Variants in HDAC6 observed in about 807,000 individuals in gnomAD.
HDAC6 encodes the protein protein deacetylase HDAC6.
HDAC6 carries 5 observed loss-of-function variants against 88.9 expected under a neutral mutation model. The observed-to-expected ratio is 0.06, with a 90% CI of 0.03 to 0.12. HDAC6 has a LOEUF of 0.12. Ranked by LOEUF, HDAC6 falls within the 10% of genes least tolerant of loss-of-function variation. The probability of loss-of-function intolerance (pLI) is 1.00; values close to 1 mark genes in which losing one functional copy is unlikely to be tolerated. For synonymous variants in HDAC6, 378 were observed against 398.0 expected, an observed-to-expected ratio of 0.95 and a Z score of 0.60; for missense variants, 706 against 1,014.4, an observed-to-expected ratio of 0.70 and a Z score of 4.13.
At position 48,802,642 on chromosome X, in the gene HDAC6, C is replaced by T. The variant is rs373100563; in HGVS notation, c.-30-21C>T. On this transcript the variant is annotated intron_variant, in intron 1 of 28. Coordinates refer to ENST00000334136, the MANE Select transcript of HDAC6 (RefSeq NM_006044.4). ...GCACACTAGCCCCCTCACATACCCA[C>T]GCTCCTCCCCCCACCCCCAGAACCG... is the stretch of plus-strand genomic sequence containing the variant. 1.2e-5 allele frequency: 14 copies of T among 1,171,435 alleles called. No individual in the cohort carries two copies. In the African/African-American group the frequency reaches 1.4e-4, roughly 12 times the overall value.
At chrX:48,801,964 G>T (rs781942946), upstream of HDAC6, 26 of 967,183 alleles carry the variant, frequency 2.7e-5, no homozygotes, top group South Asian at 5.2e-4. Flanking sequence ...GCGCGTCGAC[G>T]GCGGAGGCGG....
upstream of HDAC6, chrX:48,801,744 C>T: frequency 1.5e-6 from 1 of 656,818 alleles, no homozygotes; most frequent in Non-Finnish European, 2.1e-6. Context: ...CTTGTGAGCT[C>T]GCGAGAGGTG....
At chrX:48,822,450 G>A (rs2063099352) in intron 23 of HDAC6, among the ~76,000 whole-genome samples, 170 bp from the exon 24 acceptor site, 1 of 111,630 alleles carries the variant, frequency 9.0e-6, no homozygotes, top group African/African-American at 3.3e-5. Context: ...TACACAGTGG[G>A]TGCTGCCTAT....
intron 28 of HDAC6, 69 bp from the exon 29 acceptor site, chrX:48,824,475 G>T (rs1038236090): frequency 1.3e-5 from 14 of 1,067,791 alleles, no homozygotes; most frequent in Non-Finnish European, 1.8e-5. Context: ...TGGAGTGGGG[G>T]CAGCCCTGCA....
At position 48,812,726 on chromosome X, in the gene HDAC6, G is replaced by A. The variant is rs1445823331; in HGVS notation, c.807-1714G>A. On this transcript the variant is annotated intron_variant, in intron 10 of 28. Transcript: ENST00000334136. ...TAGGAGGTTGAGGAAGTAAACCTGT[G>A]CTATCAATCCACCATTTAACTTGAA... Among the ~76,000 whole-genome samples, 4 of 111,989 alleles carry A rather than the reference G, an allele frequency of 3.6e-5. No homozygotes were observed. The Admixed American group carries it at 3.8e-4, about 11-fold the overall frequency.
In HDAC6 at chrX:48,824,239, G is replaced by A; in HGVS notation, c.3524G>A (p.Ser1175Asn). 1 of 1,211,360 alleles carries A rather than the reference G, an allele frequency of 8.3e-7. No homozygotes were observed. The highest frequency in any genetic ancestry group is 1.1e-6 in the Non-Finnish European group (1 of 895,261). Residue 1175 changes from serine (S) to asparagine (N), a missense_variant, in exon 28 of 29, where the codon AGC (serine) becomes AAC (asparagine). By Grantham distance (46) the Ser-to-Asn change is conservative. Around this residue, in one of 9 missense-constraint regions of HDAC6, gnomAD observed 36 missense variants for 35.5 expected, o/e 1.01. Transcript: ENST00000334136. ...HGNSGHPLVL[S>N]YIDLSAWCYY... ...AATTCTGGACACCCGCTGGTCCTCA[G>A]CTACATCGACCTGTCAGCCTGGTGT...
Position 48,802,875 on chromosome X carries a change from G to T in HDAC6, c.98G>T (p.Arg33Leu). The part of the protein sequence containing the change: ...PPQDSSVTSK[R>L]NIKKGAVPRS... ...ACCCTTCTCTCTGATTCACAGAAGC[G>T]AAATATTAAAAAGGGAGCCGTTCCC... The change falls in exon 3 of 29, where the codon CGA becomes CTA. Residue 33 changes from arginine (R) to leucine (L), a missense_variant. Around this residue, in one of 9 missense-constraint regions of HDAC6, gnomAD observed 193 missense variants for 258.2 expected, o/e 0.75. Transcript: ENST00000334136. The T allele has an allele frequency of 8.3e-7, 1 of 1,208,186 alleles. No homozygotes were observed. The highest frequency in any genetic ancestry group is 1.1e-6 in the Non-Finnish European group (1 of 893,593).
chrX:48,822,668 C>T lies in HDAC6; in HGVS notation c.2386C>T (p.Arg796Cys). 1 of 1,208,249 alleles carries T rather than the reference C, an allele frequency of 8.3e-7. No homozygotes were observed. The highest frequency in any genetic ancestry group is 1.1e-6 in the Non-Finnish European group (1 of 893,227). The part of the protein sequence containing the change: ...SISESMAACT[R>C]SLLGDPPPLL... Reference sequence around the variant, plus strand: ...CTCAGAGTCCATGGCTGCCTGCACTCGCTCCCTCCTTGGAGACCCACCACC... The same window carrying T: ...CTCAGAGTCCATGGCTGCCTGCACTTGCTCCCTCCTTGGAGACCCACCACC... Residue 796 changes from arginine to cysteine, a missense_variant, in exon 24 of 29, where the codon CGC (arginine) becomes TGC (cysteine). Transcript: ENST00000334136.
intron 10 of HDAC6, chrX:48,814,208 A>G: frequency 4.9e-6 from 2 of 411,592 alleles, no homozygotes; most frequent in Non-Finnish European, 8.5e-6. Flanking sequence ...ATAAATAAAG[A>G]TAAGAATGAA....
chrX:48,814,609 C>T, intron 11 of HDAC6, 43 bp downstream of exon 11: 1 of 1,207,763 alleles, frequency 8.3e-7, no homozygotes, highest in Non-Finnish European at 1.1e-6. Context: ...AGGCCCAGCC[C>T]CGCCCTTCTG....
At chrX:48,817,528 T>A in intron 20 of HDAC6, 69 bp downstream of exon 20, 1 of 1,005,128 alleles carries the variant, frequency 9.9e-7, no homozygotes, top group Non-Finnish European at 1.4e-6. Context: ...CCCAGCCCAT[T>A]GTTTACTCAT....
intron 2 of HDAC6, 33 bp downstream of exon 2, chrX:48,802,818 G>C: frequency 1.7e-6 from 2 of 1,207,454 alleles, no homozygotes. Context: ...ATGAGGGGGA[G>C]AGGGAGCAAG....
In HDAC6 at chrX:48,818,114, G is replaced by A. The variant is rs1557028277; in HGVS notation, c.1994+5G>A. The A allele has an allele frequency of 8.4e-7, 1 of 1,193,531 alleles. No homozygotes were observed. The highest frequency in any genetic ancestry group is 1.7e-5 in the African/African-American group (1 of 57,783). On this transcript the variant is annotated splice_donor_5th_base_variant and intron_variant, in intron 21 of 28. Transcript: ENST00000334136. ...CATGTTTGAGGATGACCCCAGGTAA[G>A]GGCTGCAGTCAGGGGCCGCAGTGTG...
chrX:48,801,831 G>A (rs1718116093), upstream of HDAC6: 1 of 969,656 alleles, frequency 1.0e-6, no homozygotes, highest in Admixed American at 3.0e-5. Flanking sequence ...CGAGAGACGA[G>A]GCCCAATGGA....
rs781862589 is a variant in HDAC6, at chrX:48,808,180, G to A, written c.737+43G>A. On this transcript the variant is annotated intron_variant, in intron 9 of 28. Coordinates refer to ENST00000334136, the MANE Select transcript of HDAC6 (RefSeq NM_006044.4). ...GATGTGATGGGGGTGGCATGGGGTG[G>A]GGTGTCCTGGTCTGGGCTCTTCCCC... The A allele has an allele frequency of 3.5e-6, 4 of 1,138,788 alleles. No individual in the cohort carries two copies. In the African/African-American group the frequency reaches 5.4e-5, roughly 15 times the overall value. 93.8% of individuals were successfully genotyped at this position (1,138,788 alleles called of 1,213,427 possible). A position where few individuals can be genotyped will look rare whatever the true frequency, so the allele number is the denominator to read the frequency against.
intron 8 of HDAC6, 61 bp downstream of exon 8, chrX:48,806,767 A>T: frequency 3.2e-6 from 2 of 623,563 alleles, no homozygotes; most frequent in Non-Finnish European, 2.5e-6. Flanking sequence ...CAAGTGTAAA[A>T]TGTATTGATA....
At chrX:48,817,811 G>A in intron 20 of HDAC6, 2 of 433,213 alleles carry the variant, frequency 4.6e-6, no homozygotes, top group Non-Finnish European at 8.0e-6. Context: ...CCAAGGCCCA[G>A]GGTCCAGTTC....
rs200639202 is a variant in HDAC6, at chrX:48,822,996, G to A, written c.2597G>A (p.Arg866Gln). The change falls in exon 25 of 29, where the codon CGG (arginine) becomes CAG (glutamine). Residue 866 changes from arginine to glutamine, a missense_variant. By Grantham distance (43) the Arg-to-Gln change is conservative (BLOSUM62 1). Around this residue, in one of 9 missense-constraint regions of HDAC6, gnomAD observed 89 missense variants for 90.9 expected, o/e 0.98. Transcript: ENST00000334136. Reference sequence around the variant, plus strand: ...CCAGCCAAACCTAGGTTAGCTGAGCGGATGACCACACGAGAAAAGAAGGTT... The same window carrying A: ...CCAGCCAAACCTAGGTTAGCTGAGCAGATGACCACACGAGAAAAGAAGGTT... Reference protein sequence around the residue: ...PQPAKPRLAERMTTREKKVLE... With the variant: ...PQPAKPRLAEQMTTREKKVLE... 4.1e-5 allele frequency: 49 copies of A among 1,209,243 alleles called. No homozygotes were observed. In the Middle Eastern group the frequency reaches 6.9e-4, roughly 17 times the overall value.
chrX:48,805,674 GA>G lies in HDAC6; in HGVS notation c.437+5del. ...GAAGAGCTGATGTTGGTTCACAGGT[GA>G]AGGCTTGGGAGCCTTGTAGGGATGG... On this transcript the variant is annotated splice_donor_region_variant and intron_variant, in intron 6 of 28. Coordinates refer to ENST00000334136, the MANE Select transcript of HDAC6 (RefSeq NM_006044.4). The G allele has an allele frequency of 8.6e-7, 1 of 1,164,662 alleles. No individual in the cohort carries two copies. Among genetic ancestry groups the G allele is most frequent in the African/African-American group, 1.8e-5 (1 of 56,494 alleles).
Sources: allele counts gnomAD v4.1 joint callset (sites outside exome capture counted in the v4.1 genomes callset), GRCh38; gene constraint gnomAD v4.1.1; regional missense constraint gnomAD v4.1.1; transcripts MANE v1.5; gene names NCBI Gene and HGNC (gene_info 2026-07-23, HGNC 2026-07-21).